Variants in TRIM36 observed in about 807,000 individuals in gnomAD.
The protein encoded by TRIM36 is E3 ubiquitin-protein ligase TRIM36.
In TRIM36, 42 loss-of-function variants were observed where a neutral mutation model predicts 72.4. The ratio of observed to expected loss-of-function variants is 0.58; its 90% CI spans 0.45 to 0.75. The LOEUF (loss-of-function observed/expected upper bound fraction) is 0.75. TRIM36 is among the 30% of genes least tolerant of loss of function. The pLI is 0.00. For synonymous variants in TRIM36, 315 were observed against 282.8 expected (o/e 1.11, Z -1.14); for missense variants, 913 against 857.1 (o/e 1.07, Z -0.81).
At chr5:115,138,827 T>G (rs145120761) in intron 5 of TRIM36, among the ~76,000 whole-genome samples, 1 of 152,230 alleles carries the variant, frequency 6.6e-6, no homozygotes, top group East Asian at 1.9e-4. Flanking sequence ...GAACATTCTT[T>G]TTTTTTGAGA....
chr5:115,136,051 T>C (rs1752949253), intron 7 of TRIM36, among the ~76,000 whole-genome samples: 1 of 151,564 alleles, frequency 6.6e-6, no homozygotes, highest in South Asian at 2.1e-4. Context: ...TGCTAGGGAG[T>C]AGCAAAATAC....
intron 2 of TRIM36, among the ~76,000 whole-genome samples, chr5:115,150,623 T>C (rs1048331796): frequency 6.6e-6 from 1 of 152,128 alleles, no homozygotes; most frequent in Admixed American, 6.5e-5. Flanking sequence ...CCAGAACGAC[T>C]ACAGAAATAG....
chr5:115,137,163 A>G, intron 6 of TRIM36, 39 bp from the exon 7 acceptor site: 1 of 1,536,158 alleles, frequency 6.5e-7, no homozygotes, highest in Non-Finnish European at 8.7e-7. Context: ...TTTCTTTAAG[A>G]AGTCAAATCA....
chr5:115,171,177 T>G (rs770456396), upstream of TRIM36: 3 of 1,614,080 alleles, frequency 1.9e-6, no homozygotes, highest in Non-Finnish European at 1.7e-6. Context: ...TCCGTCGTCT[T>G]CCCACAGCCC....
intron 8 of TRIM36, among the ~76,000 whole-genome samples, chr5:115,132,292 G>C (rs968889900): frequency 6.6e-6 from 1 of 151,642 alleles, no homozygotes; most frequent in South Asian, 2.1e-4. Context: ...CCAGCACTTT[G>C]GGAGGCCGAG....
In TRIM36 at chr5:115,151,254, G is replaced by A. The variant is rs181604844; in HGVS notation, c.263-3860C>T. 3.2e-3 allele frequency among the ~76,000 whole-genome samples: 492 copies of A among 152,236 alleles called. 3 individuals carry two copies. Among genetic ancestry groups the A allele is most frequent in the African/African-American group, 0.012 (478 of 41,538 alleles). On this transcript the variant is annotated intron_variant, in intron 2 of 9. Transcript: ENST00000513154. ...GAGCTGGGTGAGGCCTGTGACTGCC[G>A]GCTTTCCTTCACTTCGCTGACAACC...
At chr5:115,131,831 T>G (rs1752696366) in intron 8 of TRIM36, among the ~76,000 whole-genome samples, 1 of 152,122 alleles carries the variant, frequency 6.6e-6, no homozygotes, top group Non-Finnish European at 1.5e-5. Flanking sequence ...AATAGGCACA[T>G]TCATAGAGAC....
intron 1 of TRIM36, among the ~76,000 whole-genome samples, chr5:115,165,889 G>C (rs1040054452): frequency 2.0e-5 from 3 of 152,128 alleles, no homozygotes; most frequent in Non-Finnish European, 2.9e-5. Flanking sequence ...TTGGAGAAAA[G>C]CTGTGGCCAA....
At chr5:115,143,795 G>C (rs923874473) in intron 4 of TRIM36, among the ~76,000 whole-genome samples, 2 of 152,194 alleles carry the variant, frequency 1.3e-5, no homozygotes, top group African/African-American at 4.8e-5. Flanking sequence ...GTGTACTGCT[G>C]CCTTTGTTGT....
At chr5:115,154,754 A>T (rs1237033274) in intron 2 of TRIM36, among the ~76,000 whole-genome samples, 2 of 152,368 alleles carry the variant, frequency 1.3e-5, no homozygotes, top group East Asian at 3.9e-4. Context: ...TCGACCAGAC[A>T]TTCAAAGAAC....
intron 2 of TRIM36, among the ~76,000 whole-genome samples, chr5:115,158,962 A>G (rs963252365): frequency 7.2e-5 from 11 of 152,244 alleles, no homozygotes; most frequent in Admixed American, 1.3e-4. Flanking sequence ...GTATTCTCCC[A>G]TGAAATAGAT....
chr5:115,157,358 T>C (rs977052376), intron 2 of TRIM36, among the ~76,000 whole-genome samples: 6 of 152,074 alleles, frequency 3.9e-5, no homozygotes, highest in African/African-American at 1.2e-4. Flanking sequence ...AGGTCAACAG[T>C]TCGAGACCAG....
At chr5:115,150,838 C>G (rs574372106) in intron 2 of TRIM36, among the ~76,000 whole-genome samples, 1 of 152,164 alleles carries the variant, frequency 6.6e-6, no homozygotes, top group African/African-American at 2.4e-5. Flanking sequence ...ATTTAGAGAG[C>G]TGAGTGAAAT....
chr5:115,130,549 C>T, intron 9 of TRIM36, 43 bp downstream of exon 9: 2 of 1,554,738 alleles, frequency 1.3e-6, no homozygotes, highest in Non-Finnish European at 1.7e-6. Flanking sequence ...TTCAGGCTTA[C>T]TTTTAAAAAA....
chr5:115,157,580 A>C (rs1481033838), intron 2 of TRIM36, among the ~76,000 whole-genome samples: 1 of 152,104 alleles, frequency 6.6e-6, no homozygotes, highest in African/African-American at 2.4e-5. Flanking sequence ...AAAAAGTACT[A>C]AAAGTGGAAC....
chr5:115,159,224 T>C (rs981716462), intron 2 of TRIM36, among the ~76,000 whole-genome samples: 2 of 152,172 alleles, frequency 1.3e-5, no homozygotes, highest in Non-Finnish European at 1.5e-5. Context: ...AAGATATCAT[T>C]AAATAGAAAA....
At chr5:115,142,355 A>G (rs1740039059) in intron 4 of TRIM36, among the ~76,000 whole-genome samples, 1 of 152,178 alleles carries the variant, frequency 6.6e-6, no homozygotes, top group Admixed American at 6.5e-5. Context: ...CAGAAGTACT[A>G]GGTGCAAAGT....
chr5:115,173,781 A>G (rs1755223271), upstream of TRIM36, among the ~76,000 whole-genome samples: 1 of 152,028 alleles, frequency 6.6e-6, no homozygotes, highest in African/African-American at 2.4e-5. Context: ...GTATCCTAGC[A>G]CCTCCTTTTT....
At chr5:115,144,799 C>T (rs1753488539) in intron 3 of TRIM36, 55 bp from the exon 4 acceptor site, 21 of 1,510,574 alleles carry the variant, frequency 1.4e-5, no homozygotes, top group Non-Finnish European at 1.8e-5. Context: ...AGTAATCTAA[C>T]AAATTACCAA....
Sources: gnomAD v4.1 joint callset for allele counts (sites outside exome capture counted in the v4.1 genomes callset) on GRCh38, gnomAD v4.1.1 for gene constraint, MANE v1.5 for transcripts, NCBI Gene and HGNC (gene_info 2026-07-23, HGNC 2026-07-21) for gene names.